Variants in CHLSN observed in about 807,000 individuals in gnomAD.
The protein encoded by CHLSN is protein cholesin.
chr7:992,954 G>A, the CHLSN span, among the ~76,000 whole-genome samples: 17 of 152,316 alleles, frequency 1.1e-4, no homozygotes, highest in African/African-American at 3.4e-4. Context: ...GTCCTAGGGT[G>A]TCTGAGGTCA....
chr7:1,052,289 C>T, the CHLSN span, among the ~76,000 whole-genome samples: 1 of 152,234 alleles, frequency 6.6e-6, no homozygotes, highest in African/African-American at 2.4e-5. The surrounding 1 kb of genome is among the most constrained non-coding windows in gnomAD (Gnocchi z 4.2). Context: ...CAGCGTCCAG[C>T]TCGGCTGGGG....
the CHLSN span, chr7:1,009,879 G>C: frequency 7.5e-7 from 1 of 1,333,552 alleles, no homozygotes; most frequent in Non-Finnish European, 1.0e-6. Flanking sequence ...TGCGAGTGAA[G>C]GCTTCGACCC....
chr7:987,664 G>C, the CHLSN span: 1 of 924,002 alleles, frequency 1.1e-6, no homozygotes, highest in Non-Finnish European at 1.6e-6. Context: ...GGCAATAAAG[G>C]GCGTCCAGCC....
chr7:997,942 C>T, the CHLSN span: 1 of 719,574 alleles, frequency 1.4e-6, no homozygotes, highest in South Asian at 1.9e-5. Context: ...GTGTGGGCGG[C>T]CTGGCCACAG....
chr7:1,079,296 G>A, the CHLSN span, among the ~76,000 whole-genome samples: 14 of 152,346 alleles, frequency 9.2e-5, no homozygotes, highest in East Asian at 3.9e-4. Flanking sequence ...GGCAGGCAAC[G>A]CCCGGCTGCT....
the CHLSN span, among the ~76,000 whole-genome samples, chr7:1,048,752 C>G: frequency 6.6e-6 from 1 of 152,224 alleles, no homozygotes; most frequent in Non-Finnish European, 1.5e-5. Flanking sequence ...TCGCCCCTGT[C>G]CACACCCTGC....
chr7:1,038,695 G>A, the CHLSN span, among the ~76,000 whole-genome samples: 16 of 127,058 alleles, frequency 1.3e-4, no homozygotes, highest in African/African-American at 4.5e-4. Context: ...CGCCCTGTCC[G>A]GGAGGGAGGT....
the CHLSN span, among the ~76,000 whole-genome samples, chr7:1,034,153 C>T: frequency 4.6e-5 from 7 of 152,220 alleles, no homozygotes; most frequent in African/African-American, 1.2e-4. Flanking sequence ...CTGGCATTCC[C>T]GTGCTACCAC....
the CHLSN span, among the ~76,000 whole-genome samples, chr7:1,018,338 C>A: frequency 1.2e-4 from 19 of 152,250 alleles, no homozygotes; most frequent in Admixed American, 1.2e-3. Context: ...AGCTTTGAAA[C>A]CAGTGTGCAT....
the CHLSN span, among the ~76,000 whole-genome samples, chr7:1,011,608 A>C: frequency 6.7e-6 from 1 of 148,972 alleles, no homozygotes; most frequent in African/African-American, 2.5e-5. Flanking sequence ...CCACAGCCAC[A>C]CACGCCCACA....
chr7:1,092,431 T>G, the CHLSN span: 1 of 1,608,618 alleles, frequency 6.2e-7, no homozygotes, highest in African/African-American at 1.3e-5. Flanking sequence ...CCTGTGCTAC[T>G]CCCTCATTGT....
the CHLSN span, among the ~76,000 whole-genome samples, chr7:1,029,472 A>G: frequency 2.0e-5 from 3 of 152,296 alleles, 1 homozygote; most frequent in South Asian, 6.2e-4. Context: ...GTTGCCTGGC[A>G]TAGGAGGCTG....
chr7:1,130,677 G>C, the CHLSN span, among the ~76,000 whole-genome samples: 27 of 152,264 alleles, frequency 1.8e-4, no homozygotes, highest in Middle Eastern at 3.4e-3. Context: ...GAACAGAAAA[G>C]TGTCCTGCAG....
At chr7:1,080,296 TCAAATGTCGCTCC>T in the CHLSN span, among the ~76,000 whole-genome samples, 1 of 152,216 alleles carries the variant, frequency 6.6e-6, no homozygotes. Flanking sequence ...TGGAAAGAAC[TCAAATGTCGCTCC>T]CACGATGGCG....
At chr7:1,019,592 G>A in the CHLSN span, among the ~76,000 whole-genome samples, 3 of 152,266 alleles carry the variant, frequency 2.0e-5, no homozygotes, top group Non-Finnish European at 2.9e-5. Context: ...GGAGGTGGCC[G>A]TGGGGCTGCC....
At chr7:1,014,385 G>A in the CHLSN span, among the ~76,000 whole-genome samples, 1 of 152,174 alleles carries the variant, frequency 6.6e-6, no homozygotes, top group Non-Finnish European at 1.5e-5. Flanking sequence ...AAAGGTTCCC[G>A]TAGACTCGAC....
the CHLSN span, among the ~76,000 whole-genome samples, chr7:1,041,482 T>G: frequency 6.6e-6 from 1 of 152,092 alleles, no homozygotes; most frequent in Non-Finnish European, 1.5e-5. Context: ...TCCTTACTAA[T>G]GTTACTGCCG....
chr7:1,112,038 A>C, the CHLSN span, among the ~76,000 whole-genome samples: 1 of 152,244 alleles, frequency 6.6e-6, no homozygotes, highest in Admixed American at 6.5e-5. Flanking sequence ...AGGAAAAATA[A>C]TACACATTAC....
the CHLSN span, chr7:1,045,575 G>A: frequency 6.6e-6 from 1 of 152,224 alleles, no homozygotes; most frequent in African/African-American, 2.4e-5. Context: ...TAGTGGTGAT[G>A]AGATAGTCTA....
Sources: gnomAD v4.1 joint callset for allele counts (sites outside exome capture counted in the v4.1 genomes callset) on GRCh38, gnomAD v4.1.1 for gene constraint, Gnocchi (gnomAD v3.1) non-coding constraint, MANE v1.5 for transcripts, NCBI Gene and HGNC (gene_info 2026-07-23, HGNC 2026-07-21) for gene names.